ABL1: variants seen among roughly 807,000 people sequenced by gnomAD.
ABL1 encodes ABL proto-oncogene 1, non-receptor tyrosine kinase, also known as tyrosine-protein kinase ABL1.
Under a neutral mutation model 94.7 loss-of-function variants are expected in ABL1, and 11 were observed. That is an observed-to-expected ratio of 0.12 (90% CI 0.07 to 0.19). The LOEUF is 0.19. Ranked by LOEUF, ABL1 falls within the 10% of genes least tolerant of loss-of-function variation. The pLI, the probability that ABL1 is intolerant of heterozygous loss-of-function variation, is 1.00. For missense variants in ABL1, 1,082 were observed against 1,489.4 expected, an observed-to-expected ratio of 0.73 and a Z score of 4.50; for synonymous variants, 656 against 622.4, an observed-to-expected ratio of 1.05 and a Z score of -0.80.
chr9:130,851,835 C>T (rs1243652068), intron 1 of ABL1, among the ~76,000 whole-genome samples: 1 of 146,036 alleles, frequency 6.8e-6, no homozygotes, highest in African/African-American at 2.5e-5. Context: ...GGCACAATCT[C>T]GGCTCACTGC....
intron 10 of ABL1, among the ~76,000 whole-genome samples, chr9:130,881,174 T>C (rs563443122): frequency 1.3e-5 from 2 of 152,230 alleles, no homozygotes; most frequent in Admixed American, 1.3e-4. Context: ...TGGGATCAGC[T>C]CAGGAGGGGG....
chr9:130,784,483 A>T (rs780007355), intron 1 of ABL1, among the ~76,000 whole-genome samples: 5 of 152,216 alleles, frequency 3.3e-5, no homozygotes, highest in Non-Finnish European at 7.3e-5. Context: ...TTTTGGCTTA[A>T]ACAGTATCTT....
At chr9:130,841,585 G>T (rs963775747) in intron 1 of ABL1, among the ~76,000 whole-genome samples, 4 of 151,892 alleles carry the variant, frequency 2.6e-5, no homozygotes, top group African/African-American at 7.3e-5. Context: ...GCCGAGGCAG[G>T]TGGTCACCTG....
At chr9:130,754,137 C>T (rs1216563549) in intron 1 of ABL1, among the ~76,000 whole-genome samples, 3 of 148,456 alleles carry the variant, frequency 2.0e-5, no homozygotes, top group South Asian at 2.1e-4. Flanking sequence ...ACCCAGGAGG[C>T]GGAGGTTGCA....
chr9:130,851,836 G>A (rs1216187900), intron 1 of ABL1, among the ~76,000 whole-genome samples: 2 of 144,858 alleles, frequency 1.4e-5, no homozygotes, highest in Non-Finnish European at 3.0e-5. Flanking sequence ...GCACAATCTC[G>A]GCTCACTGCA....
chr9:130,773,753 T>G (rs973860410), intron 1 of ABL1, among the ~76,000 whole-genome samples: 1 of 151,766 alleles, frequency 6.6e-6, no homozygotes, highest in Non-Finnish European at 1.5e-5. Flanking sequence ...AATGCTGGGA[T>G]TACAGACATG....
rs1831090192 is a variant in ABL1 at position 130,862,502 on chromosome 9, G to A, written c.550-261G>A. Among the ~76,000 whole-genome samples the A allele has an allele frequency of 6.6e-6, 1 of 152,150 alleles. No homozygotes were observed. Among genetic ancestry groups the A allele is most frequent in the Admixed American group, 6.5e-5 (1 of 15,274 alleles). On this transcript the variant is annotated intron_variant, in intron 3 of 10. Coordinates refer to ENST00000318560, the MANE Select transcript of ABL1 (RefSeq NM_005157.6). The surrounding 1 kb of genome is among the most constrained non-coding windows in gnomAD (Gnocchi z 5.5). Reference sequence around the variant, plus strand: ...AACTGGGCACGGAAGATGAGGGAGTGGGAGATTTCAGGCAGAGGGAGCAGC... The same window carrying A: ...AACTGGGCACGGAAGATGAGGGAGTAGGAGATTTCAGGCAGAGGGAGCAGC...
At chr9:130,767,482 G>A (rs991727000) in intron 1 of ABL1, among the ~76,000 whole-genome samples, 1 of 152,178 alleles carries the variant, frequency 6.6e-6, no homozygotes, top group African/African-American at 2.4e-5. Context: ...ACAGGTGCCT[G>A]CCACCACGTC....
intron 1 of ABL1, among the ~76,000 whole-genome samples, chr9:130,797,186 A>C (rs1017713968): frequency 7.8e-6 from 1 of 128,892 alleles, no homozygotes; most frequent in Non-Finnish European, 1.6e-5. Context: ...CGGTGAGCCG[A>C]GATCGCGCCA....
chr9:130,876,053 C>A (rs1054828531), intron 7 of ABL1, among the ~76,000 whole-genome samples: 1 of 152,212 alleles, frequency 6.6e-6, no homozygotes, highest in African/African-American at 2.4e-5. Flanking sequence ...GTCTCCAACT[C>A]CTGACTTCGT....
In ABL1 at chr9:130,886,598, C is replaced by T. The variant is rs1213155845; in HGVS notation, c.*915C>T. 8.6e-6 allele frequency: 2 copies of T among 233,468 alleles called. No individual in the cohort carries two copies. Among genetic ancestry groups the T allele is most frequent in the East Asian group, 1.2e-4 (2 of 16,582 alleles). 14.5% of individuals were successfully genotyped at this position (233,468 alleles called of 1,614,324 possible). The stretch of plus-strand genomic sequence containing the variant: ...GGTGCCAAATAGCCCCAGACTGGGC[C>T]CAGGCAGGTCTGCAAGGGCCCAGAG... On this transcript the variant is annotated 3_prime_UTR_variant, in exon 11 of 11. Coordinates refer to ENST00000318560, the MANE Select transcript of ABL1 (RefSeq NM_005157.6).
At chr9:130,727,183 C>T (rs1443144290) in intron 1 of ABL1, among the ~76,000 whole-genome samples, 2 of 150,202 alleles carry the variant, frequency 1.3e-5, no homozygotes, top group African/African-American at 4.9e-5. Context: ...TAAACATCTT[C>T]TATATTCTTA....
At chr9:130,713,938 C>A (rs1415296579) in exon 1 of ABL1, 2 of 236,742 alleles carry the variant, frequency 8.4e-6, no homozygotes, top group Non-Finnish European at 1.7e-5. Flanking sequence ...ATCAGCGTTT[C>A]CTTTATGTGT....
chr9:130,744,867 A>C (rs1310266767), intron 1 of ABL1, among the ~76,000 whole-genome samples: 6 of 151,384 alleles, frequency 4.0e-5, no homozygotes, highest in Admixed American at 2.6e-4. Context: ...AAAAAAAAAA[A>C]AAAAAACAAA....
intron 1 of ABL1, among the ~76,000 whole-genome samples, chr9:130,793,366 C>T (rs1305880333): frequency 1.3e-5 from 2 of 152,212 alleles, no homozygotes; most frequent in East Asian, 1.9e-4. Context: ...CCTCCAGCAT[C>T]TGCCCCCTTT....
chr9:130,726,086 G>C (rs568018928), intron 1 of ABL1, among the ~76,000 whole-genome samples: 50 of 151,908 alleles, frequency 3.3e-4, no homozygotes, highest in Middle Eastern at 3.4e-3. Context: ...CCTGGGCTCA[G>C]GTGATACTCC....
intron 1 of ABL1, among the ~76,000 whole-genome samples, chr9:130,750,393 T>TTCCC (rs1831944598): frequency 2.6e-5 from 3 of 116,312 alleles, no homozygotes; most frequent in African/African-American, 9.2e-5. Flanking sequence ...CCTTCCCTCC[T>TTCCC]TCCCTTCCTC....
intron 1 of ABL1, among the ~76,000 whole-genome samples, chr9:130,771,240 G>A (rs547166254): frequency 6.6e-6 from 1 of 151,694 alleles, no homozygotes; most frequent in Admixed American, 6.6e-5. Flanking sequence ...ATGTGTGTGT[G>A]TGTATGTATG....
At chr9:130,791,125 C>T (rs755382184) in intron 1 of ABL1, among the ~76,000 whole-genome samples, 1 of 152,138 alleles carries the variant, frequency 6.6e-6, no homozygotes, top group East Asian at 1.9e-4. Flanking sequence ...ACCTATAGAA[C>T]ATCAAAACCA....
Sources: gnomAD v4.1 joint callset for allele counts (sites outside exome capture counted in the v4.1 genomes callset) on GRCh38, gnomAD v4.1.1 for gene constraint, Gnocchi (gnomAD v3.1) non-coding constraint, MANE v1.5 for transcripts, NCBI Gene and HGNC (gene_info 2026-07-23, HGNC 2026-07-21) for gene names.